HEATR5A: variants seen among roughly 807,000 people sequenced by gnomAD.
HEATR5A encodes the protein HEAT repeat-containing protein 5A.
HEATR5A carries 178 observed loss-of-function variants against 218.8 expected under a neutral mutation model. That is an observed-to-expected ratio of 0.81 (90% CI 0.72 to 0.92). HEATR5A has a LOEUF of 0.92. Among genes scored for constraint, HEATR5A ranks in the 40% least tolerant of loss-of-function variants. The pLI is 0.00. For synonymous variants in HEATR5A, 864 were observed against 871.6 expected, an observed-to-expected ratio of 0.99 and a Z score of 0.15; for missense variants, 2,420 against 2,418.9, an observed-to-expected ratio of 1.00 and a Z score of -0.01.
At chr14:31,308,786 T>A in intron 29 of HEATR5A, 148 bp downstream of exon 29, 1 of 618,674 alleles carries the variant, frequency 1.6e-6, no homozygotes, top group East Asian at 2.8e-5. Context: ...TTTATTTATA[T>A]TTTTATTTTC....
Position 31,402,886 on chromosome 14 carries a change from C to T in HEATR5A, c.90G>A (p.Leu30=). 2 of 1,536,584 alleles carry T rather than the reference C, an allele frequency of 1.3e-6. No individual in the cohort carries two copies. The highest frequency in any genetic ancestry group is 1.7e-6 in the Non-Finnish European group (2 of 1,146,946). The change falls in exon 2 of 36, where the codon TTG becomes TTA. Residue 30 remains leucine, a synonymous_variant. Coordinates refer to ENST00000543095, the MANE Select transcript of HEATR5A (RefSeq NM_015473.4). ...VQKAEFIFEW[L]RYLEKLLLAT... is the part of the protein sequence containing the mutation. ...CCAACAAGAGCTTCTCCAAGTATCTCAACCACTCAAAAATAAACTCTGCCT... is the reference window on the plus strand; with the variant it reads ...CCAACAAGAGCTTCTCCAAGTATCTTAACCACTCAAAAATAAACTCTGCCT...
In HEATR5A at chr14:31,323,695, G is replaced by A. The variant is rs1484125676; in HGVS notation, c.3657C>T (p.Thr1219=). The A allele has an allele frequency of 3.1e-6, 5 of 1,613,518 alleles. No individual in the cohort carries two copies. The African/African-American group carries it at 6.7e-5, about 22-fold the overall frequency. The change falls in exon 24 of 36, where the codon ACC becomes ACT. Residue 1219 remains threonine, a synonymous_variant. Transcript: ENST00000543095. ...TRRDEKSHPF[T]NPRWATRVFA... is the part of the protein sequence containing the mutation. ...AGACTCTAGTAGCCCATCGGGGATT[G>A]GTAAAAGGATGGGATTTTTCATCAC...
At chr14:31,399,961 A>T (rs2030810504) in intron 3 of HEATR5A, among the ~76,000 whole-genome samples, 1 of 152,230 alleles carries the variant, frequency 6.6e-6, no homozygotes. Flanking sequence ...TCTACATGAT[A>T]TTTACTATCA....
At chr14:31,325,919 A>G in intron 23 of HEATR5A, 4 of 538,590 alleles carry the variant, frequency 7.4e-6, no homozygotes, top group Non-Finnish European at 1.3e-5. Context: ...TTTGTTTTAT[A>G]TAGGAAAGTC....
intron 13 of HEATR5A, among the ~76,000 whole-genome samples, chr14:31,366,510 A>T (rs1244036197): frequency 2.0e-5 from 3 of 152,264 alleles, no homozygotes; most frequent in African/African-American, 7.2e-5. Context: ...TACATTTTTT[A>T]AAAAAAGATG....
intron 4 of HEATR5A, among the ~76,000 whole-genome samples, chr14:31,396,267 C>T (rs181257310): frequency 6.6e-6 from 1 of 151,846 alleles, no homozygotes; most frequent in Admixed American, 6.6e-5. Flanking sequence ...GAGGTGGGAG[C>T]GTGGTAGTGC....
At chr14:31,383,478 C>A in intron 10 of HEATR5A, 43 bp downstream of exon 10, 1 of 1,550,398 alleles carries the variant, frequency 6.4e-7, no homozygotes, top group South Asian at 1.2e-5. Flanking sequence ...ATACTTCTAA[C>A]AAAAAGCACC....
intron 3 of HEATR5A, among the ~76,000 whole-genome samples, chr14:31,399,495 T>C (rs1215774512): frequency 1.3e-5 from 2 of 152,116 alleles, no homozygotes; most frequent in Admixed American, 6.5e-5. Context: ...GAATACATTC[T>C]GTTATAAGGT....
At chr14:31,416,807 A>C (rs1045949238) in intron 1 of HEATR5A, among the ~76,000 whole-genome samples, 6 of 152,152 alleles carry the variant, frequency 3.9e-5, no homozygotes, top group Non-Finnish European at 8.8e-5. Flanking sequence ...TCCTGTTTAA[A>C]AAACTCTTTT....
intron 11 of HEATR5A, among the ~76,000 whole-genome samples, chr14:31,379,300 G>C (rs2029889376): frequency 6.6e-6 from 1 of 151,072 alleles, no homozygotes; most frequent in Non-Finnish European, 1.5e-5. Flanking sequence ...ACCCAAGCTG[G>C]AGTGCAGTGG....
intron 1 of HEATR5A, among the ~76,000 whole-genome samples, chr14:31,417,702 A>G (rs1314349273): frequency 1.3e-5 from 2 of 151,398 alleles, no homozygotes; most frequent in African/African-American, 2.4e-5. Context: ...GTGAGCCTAG[A>G]TGGCGCTACT....
At position 31,336,249 on chromosome 14, in the gene HEATR5A, T is replaced by C. The variant is rs1006553965; in HGVS notation, c.3367+1227A>G. ...ATATATATATATATATATATATATA[T>C]ATATATATATATATAATTTTTAAAA... On this transcript the variant is annotated intron_variant, in intron 22 of 35. Coordinates refer to ENST00000543095, the MANE Select transcript of HEATR5A (RefSeq NM_015473.4). Among the ~76,000 whole-genome samples, 74 of 119,086 alleles carry C rather than the reference T, an allele frequency of 6.2e-4. 2 individuals are homozygous for C. In the East Asian group the frequency reaches 0.01, roughly 17 times the overall value. The allele number at this position is 119,086 out of a possible 152,430, so 78.1% of individuals were successfully genotyped here. A position where few individuals can be genotyped will look rare whatever the true frequency, so the allele number is the denominator to read the frequency against.
intron 29 of HEATR5A, 105 bp downstream of exon 29, chr14:31,308,829 C>T (rs149603972): frequency 8.4e-6 from 7 of 834,638 alleles, no homozygotes; most frequent in East Asian, 2.8e-5. Flanking sequence ...GAGTTGAAAT[C>T]GTGCCACTGT....
rs2030930783 is a variant in HEATR5A, at chr14:31,402,867, A to T, written c.109T>A (p.Leu37Met). The T allele has an allele frequency of 6.5e-7, 1 of 1,536,486 alleles. No homozygotes were observed. The highest frequency in any genetic ancestry group is 2.0e-5 in the Admixed American group (1 of 50,986). ...TTACCCACCCTGCTGGTTGCCAACA[A>T]GAGCTTCTCCAAGTATCTCAACCAC... ...FEWLRYLEKLLLATSRNDVRE... is the reference protein window; with the variant it reads ...FEWLRYLEKLMLATSRNDVRE... Residue 37 changes from leucine to methionine, a missense_variant, in exon 2 of 36, where the codon TTG becomes ATG. Physicochemically the swap from Leu to Met is conservative, Grantham distance 15. Coordinates refer to ENST00000543095, the MANE Select transcript of HEATR5A (RefSeq NM_015473.4).
chr14:31,314,702 G>C (rs1899861612), intron 27 of HEATR5A, among the ~76,000 whole-genome samples: 1 of 152,292 alleles, frequency 6.6e-6, no homozygotes, highest in South Asian at 2.1e-4. Flanking sequence ...CACCTGGCCA[G>C]ACCCAGTTTA....
chr14:31,345,397 T>C (rs1418811308), intron 19 of HEATR5A, 121 bp from the exon 20 acceptor site: 1 of 723,416 alleles, frequency 1.4e-6, no homozygotes, highest in African/African-American at 1.8e-5. Context: ...ATGCTACTAC[T>C]CATGTGGAAA....
At chr14:31,354,760 G>C (rs936987981) in intron 16 of HEATR5A, among the ~76,000 whole-genome samples, 1 of 151,934 alleles carries the variant, frequency 6.6e-6, no homozygotes, top group Non-Finnish European at 1.5e-5. Context: ...CTTTAGACAG[G>C]GGGTACACAC....
chr14:31,335,742 C>G (rs544738492), intron 22 of HEATR5A, among the ~76,000 whole-genome samples: 1 of 152,166 alleles, frequency 6.6e-6, no homozygotes, highest in Admixed American at 6.5e-5. Flanking sequence ...CAACCTCCCC[C>G]TCCTGGGTTC....
intron 1 of HEATR5A, among the ~76,000 whole-genome samples, chr14:31,419,852 A>G (rs1251409796): frequency 6.6e-6 from 1 of 152,258 alleles, no homozygotes; most frequent in African/African-American, 2.4e-5. Flanking sequence ...AGCAAATGCC[A>G]CCAAAGGAAA....
Sources: allele counts gnomAD v4.1 joint callset (sites outside exome capture counted in the v4.1 genomes callset), GRCh38; gene constraint gnomAD v4.1.1; transcripts MANE v1.5; gene names NCBI Gene and HGNC (gene_info 2026-07-23, HGNC 2026-07-21).